The following CPAMD8 variants were observed in gnomAD, a reference collection of about 807,000 sequenced individuals.
CPAMD8 encodes C3 and PZP like alpha-2-macroglobulin domain containing 8, also known as C3 and PZP-like alpha-2-macroglobulin domain-containing protein 8.
CPAMD8 carries 146 observed loss-of-function variants against 224.7 expected under a neutral mutation model. That is an observed-to-expected ratio of 0.65 (90% CI 0.57 to 0.75). The LOEUF is 0.75. CPAMD8 is among the 30% of genes least tolerant of loss of function. The probability of loss-of-function intolerance (pLI) is 0.00; values close to 1 mark genes in which losing one functional copy is unlikely to be tolerated. For missense variants in CPAMD8, 2,301 were observed against 2,537.5 expected, an observed-to-expected ratio of 0.91 and a Z score of 2.00; for synonymous variants, 966 against 1,044.6, an observed-to-expected ratio of 0.92 and a Z score of 1.45.
intron 18 of CPAMD8, among the ~76,000 whole-genome samples, chr19:16,969,894 AAC>A (rs1491032826): frequency 6.7e-6 from 1 of 150,340 alleles, no homozygotes; most frequent in East Asian, 2.0e-4. Context: ...AAAAAACAAA[AAC>A]AACGAAAAAC....
intron 21 of CPAMD8, among the ~76,000 whole-genome samples, chr19:16,946,412 C>CGT (rs2054089667): frequency 1.6e-5 from 2 of 123,134 alleles, no homozygotes; most frequent in African/African-American, 6.5e-5. Context: ...CACATGTGGG[C>CGT]ATGTGTGTGG....
intron 17 of CPAMD8, among the ~76,000 whole-genome samples, chr19:16,972,184 G>A (rs977360200): frequency 2.0e-5 from 3 of 152,146 alleles, no homozygotes; most frequent in Admixed American, 6.6e-5. Context: ...AGTATTATTA[G>A]AGACGGCCTC....
intron 22 of CPAMD8, among the ~76,000 whole-genome samples, chr19:16,938,818 T>C (rs1251611678): frequency 2.6e-5 from 4 of 152,188 alleles, no homozygotes; most frequent in Non-Finnish European, 5.9e-5. Flanking sequence ...TTCTGAGGCC[T>C]CATTTGACAT....
In CPAMD8 at chr19:16,902,806, C is replaced by A. The variant is rs370430527; in HGVS notation, c.4528G>T (p.Val1510Leu). 6.4e-7 allele frequency: 1 copy of A among 1,573,878 alleles called. No individual in the cohort carries two copies. The highest frequency in any genetic ancestry group is 8.6e-7 in the Non-Finnish European group (1 of 1,156,350). ...PVAKPAFQLL[V>L]SLQEPEAQGR... ...TGGGCCTCAGGCTCCTGGAGGCTTA[C>A]GAGCAGCTGGAAAGCTGGCTTGGCC... The change falls in exon 35 of 42, where the codon GTA becomes TTA. Residue 1510 changes from valine to leucine, a missense_variant. Val to Leu is a conservative substitution (Grantham distance 32). This residue lies in a region of CPAMD8 where 1,709 missense variants were observed against 1,753.2 expected (regional missense o/e 0.97). Transcript: ENST00000443236.
At position 16,952,130 on chromosome 19, in the gene CPAMD8, C is replaced by T. The variant is rs765564588; in HGVS notation, c.2347G>A (p.Val783Met). 40 of 1,551,852 alleles carry T rather than the reference C, an allele frequency of 2.6e-5. No individual in the cohort carries two copies. Among genetic ancestry groups the T allele is most frequent in the South Asian group, 8.3e-5 (7 of 84,184 alleles). The stretch of plus-strand genomic sequence containing the variant: ...AAGCCCTGAGAGGTGGACAGGGCCA[C>T]GGCCTCACCCACCCAGCTGGTGATG... ...DSITSWVGEAVALSTSQGLGI... is the reference protein window; with the variant it reads ...DSITSWVGEAMALSTSQGLGI... The change falls in exon 20 of 42, where the codon GTG becomes ATG. Residue 783 changes from valine to methionine, a missense_variant. By Grantham distance (21) the Val-to-Met change is conservative (BLOSUM62 1). Coordinates refer to ENST00000443236, the MANE Select transcript of CPAMD8 (RefSeq NM_015692.5).
chr19:17,021,894 T>G, intron 2 of CPAMD8, 136 bp downstream of exon 2: 1 of 349,310 alleles, frequency 2.9e-6, no homozygotes, highest in Non-Finnish European at 5.7e-6. Context: ...CTTCCCTCCC[T>G]CCCTCCCATG....
intron 10 of CPAMD8, among the ~76,000 whole-genome samples, chr19:16,998,790 A>G (rs965374201): frequency 1.4e-4 from 21 of 152,228 alleles, no homozygotes; most frequent in Non-Finnish European, 1.8e-4. Context: ...AAGGTCACAC[A>G]TAGTGTTACC....
At chr19:17,005,604 G>A (rs2056467459) in intron 7 of CPAMD8, among the ~76,000 whole-genome samples, 2 of 152,046 alleles carry the variant, frequency 1.3e-5, no homozygotes, top group African/African-American at 4.8e-5. Flanking sequence ...GCAGTGCCAG[G>A]GGATCTTCCA....
chr19:16,971,872 C>A (rs2122650581), intron 17 of CPAMD8, among the ~76,000 whole-genome samples: 1 of 152,114 alleles, frequency 6.6e-6, no homozygotes, highest in East Asian at 1.9e-4. Flanking sequence ...CACGGTGAAA[C>A]CCCATCTCTA....
chr19:17,022,974 T>C (rs2056997314), intron 1 of CPAMD8, among the ~76,000 whole-genome samples: 1 of 151,082 alleles, frequency 6.6e-6, no homozygotes, highest in African/African-American at 2.4e-5. Flanking sequence ...CCCAGAGAAG[T>C]CAAGTCACCA....
intron 13 of CPAMD8, among the ~76,000 whole-genome samples, chr19:16,984,468 C>T (rs1030428622): frequency 1.3e-5 from 2 of 151,956 alleles, no homozygotes; most frequent in African/African-American, 4.8e-5. Context: ...AGAGATAAAT[C>T]ATGACCTTAG....
chr19:16,973,161 C>A (rs981135658), intron 17 of CPAMD8, among the ~76,000 whole-genome samples: 103 of 151,938 alleles, frequency 6.8e-4, no homozygotes, highest in African/African-American at 2.3e-3. Context: ...AAAGTGAGAT[C>A]TTGTCTCAAA....
intron 18 of CPAMD8, among the ~76,000 whole-genome samples, chr19:16,963,894 A>G (rs1245351220): frequency 6.6e-6 from 1 of 152,154 alleles, no homozygotes; most frequent in Non-Finnish European, 1.5e-5. Context: ...CTCACTCAAA[A>G]CCACACAACC....
intron 7 of CPAMD8, among the ~76,000 whole-genome samples, chr19:17,004,918 G>T (rs1324709583): frequency 6.6e-6 from 1 of 151,668 alleles, no homozygotes; most frequent in African/African-American, 2.4e-5. Context: ...CCCCTAGGGG[G>T]CAAAATCACC....
At chr19:17,005,968 T>C (rs1057179765) in intron 7 of CPAMD8, among the ~76,000 whole-genome samples, 1 of 151,708 alleles carries the variant, frequency 6.6e-6, no homozygotes, top group Non-Finnish European at 1.5e-5. Context: ...CAAAGGGTTT[T>C]TTTTTTATTT....
At position 16,971,003 on chromosome 19, in the gene CPAMD8, C is replaced by G. The variant is rs768099937; in HGVS notation, c.2101G>C (p.Val701Leu). Residue 701 changes from valine to leucine, a missense_variant, in exon 18 of 42, where the codon GTG (valine) becomes CTG (leucine). By Grantham distance (32) the Val-to-Leu change is conservative (BLOSUM62 1). This residue lies in a region of CPAMD8 where 1,709 missense variants were observed against 1,753.2 expected (regional missense o/e 0.97). Coordinates refer to ENST00000443236, the MANE Select transcript of CPAMD8 (RefSeq NM_015692.5). ...CCGTCCTGCCGGTGGTTCAGGCTCA[C>G]TCGGTCGGTCATCACCACCAGTCCC... ...ETGLVVMTDR[V>L]SLNHRQDGGL... 40 of 1,611,796 alleles carry G rather than the reference C, an allele frequency of 2.5e-5. No homozygotes were observed. In the African/African-American group the frequency reaches 4.8e-4, roughly 19 times the overall value.
chr19:16,932,094 A>G (rs2053562786), intron 23 of CPAMD8, among the ~76,000 whole-genome samples: 1 of 151,686 alleles, frequency 6.6e-6, no homozygotes, highest in Admixed American at 6.6e-5. Context: ...AACAGATTCC[A>G]GTAAAAAAAA....
chr19:16,999,659 A>G (rs887839291), intron 10 of CPAMD8, among the ~76,000 whole-genome samples: 4 of 151,886 alleles, frequency 2.6e-5, no homozygotes, highest in Non-Finnish European at 4.4e-5. Flanking sequence ...TATGTGAATG[A>G]TATCTCAATA....
At chr19:16,976,250 T>G (rs996340621) in intron 15 of CPAMD8, 99 bp from the exon 16 acceptor site, 1 of 924,708 alleles carries the variant, frequency 1.1e-6, no homozygotes, top group Non-Finnish European at 1.6e-6. Flanking sequence ...CCGAGGCGGG[T>G]GGATCACCTG....
Sources: gnomAD v4.1 joint callset for allele counts (sites outside exome capture counted in the v4.1 genomes callset) on GRCh38, gnomAD v4.1.1 for gene constraint, gnomAD v4.1.1 regional missense constraint, MANE v1.5 for transcripts, NCBI Gene and HGNC (gene_info 2026-07-23, HGNC 2026-07-21) for gene names.